Variants in TMOD2 observed in about 807,000 individuals in gnomAD.
The protein encoded by TMOD2 is tropomodulin-2.
TMOD2 carries 22 observed loss-of-function variants against 39.9 expected under a neutral mutation model. The ratio of observed to expected loss-of-function variants is 0.55; its 90% CI spans 0.39 to 0.79. The LOEUF (loss-of-function observed/expected upper bound fraction) is 0.79, where lower values mean the gene tolerates loss of function less well. Among genes scored for constraint, TMOD2 ranks in the 30% least tolerant of loss-of-function variants. TMOD2 has a pLI of 0.00. For synonymous variants in TMOD2, 123 were observed against 146.1 expected, an observed-to-expected ratio of 0.84 and a Z score of 1.14; for missense variants, 386 against 413.3, an observed-to-expected ratio of 0.93 and a Z score of 0.57.
At chr15:51,788,022 T>C (rs954051892) in intron 7 of TMOD2, among the ~76,000 whole-genome samples, 1 of 152,138 alleles carries the variant, frequency 6.6e-6, no homozygotes, top group Non-Finnish European at 1.5e-5. Flanking sequence ...TTGACAGAAG[T>C]AAGCTTCAGA....
At chr15:51,768,474 G>A (rs1468679164) in intron 3 of TMOD2, 56 bp downstream of exon 3, 3 of 1,431,268 alleles carry the variant, frequency 2.1e-6, no homozygotes, top group Non-Finnish European at 2.9e-6. Context: ...TTTTTTTTTG[G>A]AACGGAGGCA....
At chr15:51,764,765 G>A (rs937970176) in intron 1 of TMOD2, among the ~76,000 whole-genome samples, 2 of 152,024 alleles carry the variant, frequency 1.3e-5, no homozygotes, top group African/African-American at 4.8e-5. Flanking sequence ...CCTTTGTGCT[G>A]TTCCCTTTTC....
intron 7 of TMOD2, among the ~76,000 whole-genome samples, chr15:51,797,380 T>C (rs908167852): frequency 6.6e-6 from 1 of 152,194 alleles, no homozygotes; most frequent in Non-Finnish European, 1.5e-5. Context: ...AGCTGTTCCA[T>C]CTGTTCCTAA....
At chr15:51,758,615 C>T (rs187515680) in intron 1 of TMOD2, among the ~76,000 whole-genome samples, 10 of 152,350 alleles carry the variant, frequency 6.6e-5, no homozygotes, top group Admixed American at 2.6e-4. Flanking sequence ...GTGAATAAAA[C>T]TCATACAGTC....
rs1221258108 is a variant in TMOD2 at position 51,814,536 on chromosome 15, A to G, written c.*6082A>G. 1.3e-5 allele frequency: 2 copies of G among 152,200 alleles called. No individual in the cohort carries two copies. The highest frequency in any genetic ancestry group is 2.9e-5 in the Non-Finnish European group (2 of 68,042). 9.4% of individuals were successfully genotyped at this position (152,200 alleles called of 1,614,324 possible). A position where few individuals can be genotyped will look rare whatever the true frequency, so the allele number is the denominator to read the frequency against. On this transcript the variant is annotated 3_prime_UTR_variant, in exon 10 of 10. Transcript: ENST00000249700. ...TACCATCTTGTAAGGTGCCTTGTAC[A>G]TAGTAGGTGCTTAATGAACAAATGT...
chr15:51,794,844 A>G (rs2056036995), intron 7 of TMOD2, among the ~76,000 whole-genome samples: 1 of 152,084 alleles, frequency 6.6e-6, no homozygotes, highest in African/African-American at 2.4e-5. Context: ...CCACTTCCAA[A>G]TTGTAGATAT....
At chr15:51,797,765 C>T (rs2056060953) in intron 7 of TMOD2, among the ~76,000 whole-genome samples, 1 of 151,168 alleles carries the variant, frequency 6.6e-6, no homozygotes, top group African/African-American at 2.4e-5. Flanking sequence ...CACTAGTTTC[C>T]AAGTGCTAGT....
chr15:51,786,460 C>T (rs906484410), intron 7 of TMOD2, among the ~76,000 whole-genome samples: 1 of 151,938 alleles, frequency 6.6e-6, no homozygotes, highest in Non-Finnish European at 1.5e-5. Flanking sequence ...TCAGTGAAGC[C>T]CTGTGCAATT....
At chr15:51,808,386 AAT>A (rs1267255670) in intron 9 of TMOD2, 32 bp from the exon 10 acceptor site, 5 of 1,590,786 alleles carry the variant, frequency 3.1e-6, no homozygotes, top group Non-Finnish European at 4.3e-6. Context: ...ATATCCCTTC[AAT>A]TTGTCTTTTT....
rs974274662 is a variant in TMOD2, at chr15:51,777,083, G to C, written c.493+65G>C. On this transcript the variant is annotated intron_variant, in intron 5 of 9. Coordinates refer to ENST00000249700, the MANE Select transcript of TMOD2 (RefSeq NM_014548.4). ...AGCCTCCAGAGTTGCTGGTAGGAGA[G>C]AGGCCTGTTGAGTCTTGCAGGCTTT... The C allele has an allele frequency of 1.6e-5, 22 of 1,339,538 alleles. No individual in the cohort carries two copies. In the African/African-American group the frequency reaches 3.0e-4, roughly 18 times the overall value. 83.0% of individuals were successfully genotyped at this position (1,339,538 alleles called of 1,614,324 possible).
intron 8 of TMOD2, among the ~76,000 whole-genome samples, chr15:51,800,441 C>T (rs967263261): frequency 6.6e-5 from 10 of 152,090 alleles, no homozygotes; most frequent in Non-Finnish European, 2.9e-5. Context: ...GAGGCTGAGG[C>T]GTGAGAATCA....
At chr15:51,780,071 T>C (rs964443320) in intron 5 of TMOD2, among the ~76,000 whole-genome samples, 2 of 152,216 alleles carry the variant, frequency 1.3e-5, no homozygotes, top group Non-Finnish European at 1.5e-5. Context: ...GTGGACATTT[T>C]GTTTATCATG....
chr15:51,808,515 C>G lies in TMOD2; in HGVS notation c.*61C>G, dbSNP rs2056135643. 1.4e-6 allele frequency: 2 copies of G among 1,425,822 alleles called. No individual in the cohort carries two copies. Among genetic ancestry groups the G allele is most frequent in the Non-Finnish European group, 1.9e-6 (2 of 1,025,974 alleles). The allele number at this position is 1,425,822 out of a possible 1,614,324, so 88.3% of individuals were successfully genotyped here. Reference sequence around the variant, plus strand: ...TGGCCATTGAAAAACAAAAACTCTTCTTCTTCCCCATCAGGACCATTTTAT... The same window carrying G: ...TGGCCATTGAAAAACAAAAACTCTTGTTCTTCCCCATCAGGACCATTTTAT... On this transcript the variant is annotated 3_prime_UTR_variant, in exon 10 of 10. Coordinates refer to ENST00000249700, the MANE Select transcript of TMOD2 (RefSeq NM_014548.4).
intron 8 of TMOD2, among the ~76,000 whole-genome samples, chr15:51,805,291 C>G (rs2056115160): frequency 6.6e-6 from 1 of 152,118 alleles, no homozygotes; most frequent in East Asian, 1.9e-4. Flanking sequence ...AAAAAACCCT[C>G]TATTTTTTAT....
In TMOD2 at chr15:51,751,647, C is replaced by T. The variant is rs901394118; in HGVS notation, c.-135C>T. 1 of 175,628 alleles carries T rather than the reference C, an allele frequency of 5.7e-6. No homozygotes were observed. The highest frequency in any genetic ancestry group is 6.3e-5 in the Admixed American group (1 of 15,832). The allele number at this position is 175,628 out of a possible 1,614,324, so 10.9% of individuals were successfully genotyped here. A position where few individuals can be genotyped will look rare whatever the true frequency, so the allele number is the denominator to read the frequency against. On this transcript the variant is annotated 5_prime_UTR_variant, in exon 1 of 10. Coordinates refer to ENST00000249700, the MANE Select transcript of TMOD2 (RefSeq NM_014548.4). ...ACGGCGCCGCCCCTGTTCTCCCGGC[C>T]CCGCTCCACCGGGGCTGACGGACTG... is the stretch of plus-strand genomic sequence containing the variant.
chr15:51,779,381 A>G (rs2055913864), intron 5 of TMOD2, among the ~76,000 whole-genome samples: 1 of 150,132 alleles, frequency 6.7e-6, no homozygotes, highest in Non-Finnish European at 1.5e-5. Flanking sequence ...TAATGAGTAG[A>G]TAACTTTTTT....
At chr15:51,800,767 G>A (rs1262779362) in intron 8 of TMOD2, among the ~76,000 whole-genome samples, 2 of 152,064 alleles carry the variant, frequency 1.3e-5, no homozygotes, top group Non-Finnish European at 2.9e-5. Context: ...GTACAATGAT[G>A]CAGTGTGGCC....
intron 1 of TMOD2, among the ~76,000 whole-genome samples, chr15:51,765,877 C>G (rs1353971515): frequency 6.6e-6 from 1 of 152,214 alleles, no homozygotes; most frequent in Non-Finnish European, 1.5e-5. Flanking sequence ...AACTCTCGTT[C>G]CTGAATGAAT....
intron 2 of TMOD2, 28 bp downstream of exon 2, chr15:51,766,595 G>T: frequency 6.2e-7 from 1 of 1,609,404 alleles, no homozygotes. Context: ...GAAGCAGAGT[G>T]GTTAATGATA....
Sources: gnomAD v4.1 joint callset for allele counts (sites outside exome capture counted in the v4.1 genomes callset) on GRCh38, gnomAD v4.1.1 for gene constraint, MANE v1.5 for transcripts, NCBI Gene and HGNC (gene_info 2026-07-23, HGNC 2026-07-21) for gene names.